ATP6V1E2: variants seen among roughly 807,000 people sequenced by gnomAD.
ATP6V1E2 encodes the protein V-type proton ATPase subunit E 2.
For synonymous variants in ATP6V1E2, 121 were observed against 104.2 expected (o/e 1.16, Z -0.98); for missense variants, 308 against 273.3 (o/e 1.13, Z -0.90).
intron 4 of ATP6V1E2, among the ~76,000 whole-genome samples, chr2:46,532,088 T>C (rs1392288581): frequency 1.3e-5 from 2 of 152,262 alleles, no homozygotes. Context: ...TTTGACATCA[T>C]ATATAAGAAA....
At chr2:46,542,019 G>GAGGGGCGTGCTAC in intron 1 of ATP6V1E2, 198 bp downstream of exon 1, 1 of 152,130 alleles carries the variant, frequency 6.6e-6, no homozygotes, top group Admixed American at 6.5e-5. Flanking sequence ...TGTGTGTGTG[G>GAGGGGCGTGCTAC]AGGGGCGTGC....
intron 4 of ATP6V1E2, among the ~76,000 whole-genome samples, chr2:46,521,249 C>A (rs1666608405): frequency 6.6e-6 from 1 of 152,142 alleles, no homozygotes; most frequent in Non-Finnish European, 1.5e-5. Context: ...GCTGGGAAAT[C>A]TCTTCTTGGG....
At chr2:46,537,290 T>A (rs1014493075) in intron 2 of ATP6V1E2, 4 of 152,166 alleles carry the variant, frequency 2.6e-5, no homozygotes, top group African/African-American at 7.2e-5. Context: ...ATTAGGATAG[T>A]CCCAACTCCT....
Position 46,512,334 on chromosome 2 carries a change from T to TC in ATP6V1E2, c.377dup (p.Leu127ThrfsTer42). The TC allele has an allele frequency of 6.2e-7, 1 of 1,613,406 alleles. No homozygotes were observed. The highest frequency in any genetic ancestry group is 1.1e-5 in the South Asian group (1 of 91,004). On this transcript the variant is annotated frameshift_variant, in exon 5 of 5. Coordinates refer to ENST00000522587, the MANE Select transcript of ATP6V1E2 (RefSeq NM_001318063.2). LOFTEE classifies it low-confidence loss of function (END_TRUNC). Reference sequence around the variant, plus strand: ...GTACAATCATCACAGGTTCCAGCAGTCGGAGCAGACCCTGGAGCACCAGTT... The same window carrying TC: ...GTACAATCATCACAGGTTCCAGCAGTCCGGAGCAGACCCTGGAGCACCAGTT...
intron 4 of ATP6V1E2, among the ~76,000 whole-genome samples, chr2:46,529,626 T>C (rs1043749620): frequency 6.6e-6 from 1 of 152,166 alleles, no homozygotes; most frequent in Non-Finnish European, 1.5e-5. Flanking sequence ...CATGATGGTG[T>C]GCACCTATGG....
intron 4 of ATP6V1E2, among the ~76,000 whole-genome samples, chr2:46,532,917 G>A (rs983179409): frequency 3.9e-5 from 6 of 151,980 alleles, no homozygotes; most frequent in African/African-American, 2.4e-5. Flanking sequence ...CATTTAATGC[G>A]CAATGTAAGG....
In ATP6V1E2 at chr2:46,530,887, C is replaced by G. The variant is rs75288656; in HGVS notation, c.-102+4926G>C. Among the ~76,000 whole-genome samples the G allele has an allele frequency of 2.0e-5, 3 of 152,176 alleles. No individual in the cohort carries two copies. Among genetic ancestry groups the G allele is most frequent in the African/African-American group, 7.2e-5 (3 of 41,434 alleles). On this transcript the variant is annotated intron_variant, in intron 4 of 4. Transcript: ENST00000522587. This position sits in a 1 kb window ranked among gnomAD's most constrained non-coding sequence, Gnocchi z 5.2. ...GCGCAAGAACAGCACAGGAAAAACCCAAGCCCATGATTCAGTTACTTCCCA... is the reference window on the plus strand; with the variant it reads ...GCGCAAGAACAGCACAGGAAAAACCGAAGCCCATGATTCAGTTACTTCCCA...
chr2:46,540,348 G>A (rs1028758539), intron 2 of ATP6V1E2, among the ~76,000 whole-genome samples: 8 of 151,600 alleles, frequency 5.3e-5, no homozygotes, highest in East Asian at 1.9e-4. Context: ...TTGAACCAGG[G>A]AGGCAGAGGT....
At chr2:46,513,590 T>C (rs1036427199) in intron 4 of ATP6V1E2, among the ~76,000 whole-genome samples, 12 of 151,326 alleles carry the variant, frequency 7.9e-5, no homozygotes, top group African/African-American at 2.9e-4. Flanking sequence ...CTTTGGGAGG[T>C]TGAGACGGGT....
intron 4 of ATP6V1E2, among the ~76,000 whole-genome samples, chr2:46,526,169 G>A (rs1666910183): frequency 6.6e-6 from 1 of 152,172 alleles, no homozygotes; most frequent in African/African-American, 2.4e-5. Flanking sequence ...AGGCTGGAGT[G>A]CGGTGGTGTG....
chr2:46,512,116 C>T lies in ATP6V1E2; in HGVS notation c.596G>A (p.Arg199Gln), dbSNP rs765231041. The T allele has an allele frequency of 5.0e-6, 8 of 1,614,024 alleles. No homozygotes were observed. In the Admixed American group the frequency reaches 5.0e-5, roughly 10 times the overall value. ...RIKVSNTLESRLDLSAKQKMP... is the reference protein window; with the variant it reads ...RIKVSNTLESQLDLSAKQKMP... Reference sequence around the variant, plus strand: ...CTTTTGCTTGGCTGAGAGATCCAGTCGGCTTTCCAAGGTATTTGAAACCTT... The same window carrying T: ...CTTTTGCTTGGCTGAGAGATCCAGTTGGCTTTCCAAGGTATTTGAAACCTT... Residue 199 changes from arginine to glutamine, a missense_variant, in exon 5 of 5, where the codon CGA becomes CAA. Arg to Gln is a conservative substitution (Grantham distance 43, BLOSUM62 1). Coordinates refer to ENST00000522587, the MANE Select transcript of ATP6V1E2 (RefSeq NM_001318063.2).
intron 4 of ATP6V1E2, among the ~76,000 whole-genome samples, chr2:46,513,903 G>A (rs1019566481): frequency 5.9e-5 from 9 of 152,150 alleles, no homozygotes; most frequent in Non-Finnish European, 1.3e-4. Flanking sequence ...CTTATATAAG[G>A]GAAGGGGAAG....
intron 4 of ATP6V1E2, among the ~76,000 whole-genome samples, chr2:46,513,042 G>C (rs999172923): frequency 1.9e-4 from 29 of 152,030 alleles, no homozygotes; most frequent in African/African-American, 7.0e-4. Context: ...AGGTAGTTAG[G>C]GCAGACCTAG....
intron 1 of ATP6V1E2, 150 bp from the exon 2 acceptor site, chr2:46,541,603 C>G (rs1667776010): frequency 6.6e-6 from 1 of 152,264 alleles, no homozygotes; most frequent in Admixed American, 6.5e-5. Flanking sequence ...GGGTGATGGT[C>G]CAGTTGACCT....
At position 46,518,701 on chromosome 2, in the gene ATP6V1E2, C is replaced by G. The variant is rs1175307269; in HGVS notation, c.-101-5889G>C. Among the ~76,000 whole-genome samples, 4 of 151,064 alleles carry G rather than the reference C, an allele frequency of 2.6e-5. No individual in the cohort carries two copies. In the East Asian group the frequency reaches 7.7e-4, roughly 29 times the overall value. On this transcript the variant is annotated intron_variant, in intron 4 of 4. Coordinates refer to ENST00000522587, the MANE Select transcript of ATP6V1E2 (RefSeq NM_001318063.2). ...TTTAGGATGTACTTTTAAAAAAAAC[C>G]TGCATTTTGTAACTACAGCAAAAGC...
Position 46,536,677 on chromosome 2 carries a change from G to T in ATP6V1E2, c.-283C>A, listed in dbSNP as rs953010846. 2.0e-5 allele frequency: 3 copies of T among 152,232 alleles called. No individual in the cohort carries two copies. The highest frequency in any genetic ancestry group is 2.9e-5 in the Non-Finnish European group (2 of 68,066). The allele number at this position is 152,232 out of a possible 1,614,324, so 9.4% of individuals were successfully genotyped here. ...CAGGCCAAAATTAGGGATTCAGTCA[G>T]TATGGACTCCTGTATTGACAATCCA... is the stretch of plus-strand genomic sequence containing the variant. On this transcript the variant is annotated 5_prime_UTR_variant, in exon 3 of 5. In the 5' UTR this introduces an upstream ATG that the reference lacks. Coordinates refer to ENST00000522587, the MANE Select transcript of ATP6V1E2 (RefSeq NM_001318063.2).
intron 4 of ATP6V1E2, among the ~76,000 whole-genome samples, chr2:46,523,751 T>C (rs1666757057): frequency 6.6e-6 from 1 of 152,236 alleles, no homozygotes; most frequent in Non-Finnish European, 1.5e-5. Flanking sequence ...AAAATAGTTT[T>C]TTTTTAATTC....
Position 46,542,284 on chromosome 2 carries a change from C to T in ATP6V1E2, c.-441G>A, listed in dbSNP as rs1445024548. On this transcript the variant is annotated 5_prime_UTR_variant, in exon 1 of 5. Transcript: ENST00000522587. The stretch of plus-strand genomic sequence containing the variant: ...TTAGAGGCCGAGAGGATGGCTCTGG[C>T]CTTCCGGGTGGAGGTGAAATATGCA... 2 of 151,756 alleles carry T rather than the reference C, an allele frequency of 1.3e-5. No homozygotes were observed. Among genetic ancestry groups the T allele is most frequent in the African/African-American group, 4.8e-5 (2 of 41,346 alleles). The allele number at this position is 151,756 out of a possible 1,614,324, so 9.4% of individuals were successfully genotyped here.
intron 4 of ATP6V1E2, among the ~76,000 whole-genome samples, chr2:46,517,545 T>A (rs975591613): frequency 6.6e-6 from 1 of 152,132 alleles, no homozygotes; most frequent in African/African-American, 2.4e-5. Context: ...AGTGAAAAGG[T>A]CACCAATGGA....
Sources: gnomAD v4.1 joint callset for allele counts (sites outside exome capture counted in the v4.1 genomes callset) on GRCh38, gnomAD v4.1.1 for gene constraint, Gnocchi (gnomAD v3.1) non-coding constraint, MANE v1.5 for transcripts, NCBI Gene and HGNC (gene_info 2026-07-23, HGNC 2026-07-21) for gene names.